EEPD1: variants seen among roughly 807,000 people sequenced by gnomAD.
The protein encoded by EEPD1 is endonuclease/exonuclease/phosphatase family domain containing 1, also known as endonuclease/exonuclease/phosphatase family domain-containing protein 1.
Under a neutral mutation model 46.3 loss-of-function variants are expected in EEPD1, and 17 were observed. The observed-to-expected ratio is 0.37, with a 90% CI of 0.25 to 0.55. The LOEUF is 0.55. EEPD1 is among the 20% of genes least tolerant of loss of function. EEPD1 has a pLI of 0.83. For synonymous variants in EEPD1, 313 were observed against 315.6 expected (o/e 0.99, Z 0.09); for missense variants, 673 against 745.6 (o/e 0.90, Z 1.13).
chr7:36,266,089 C>T (rs1054009002), intron 3 of EEPD1, among the ~76,000 whole-genome samples: 4 of 152,086 alleles, frequency 2.6e-5, no homozygotes, highest in Admixed American at 2.0e-4. Context: ...CCTGTGTTTC[C>T]GCTCTCACTT....
In EEPD1 at chr7:36,299,404, C is replaced by T; in HGVS notation, c.*198C>T. On this transcript the variant is annotated 3_prime_UTR_variant, in exon 8 of 8. Coordinates refer to ENST00000242108, the MANE Select transcript of EEPD1 (RefSeq NM_030636.3). ...GGTGGCGTGCCAGGCGCGTACCCCA[C>T]CAGGTGGGCAAAGCAGAAACCTGCG... The T allele has an allele frequency of 1.5e-6, 1 of 657,830 alleles. No individual in the cohort carries two copies. The highest frequency in any genetic ancestry group is 2.0e-5 in the South Asian group (1 of 49,970). 40.7% of individuals were successfully genotyped at this position (657,830 alleles called of 1,614,324 possible).
At chr7:36,272,428 G>T (rs566001428) in intron 3 of EEPD1, among the ~76,000 whole-genome samples, 2 of 151,718 alleles carry the variant, frequency 1.3e-5, no homozygotes, top group Admixed American at 1.3e-4. Context: ...CTTCACTTCA[G>T]TCTCCACAAA....
intron 2 of EEPD1, among the ~76,000 whole-genome samples, chr7:36,220,685 C>T (rs7781004): frequency 6.6e-6 from 1 of 152,130 alleles, no homozygotes; most frequent in African/African-American, 2.4e-5. Flanking sequence ...ATGAAAATGT[C>T]TCTGATGTCT....
chr7:36,189,048 A>G (rs1303806557), intron 2 of EEPD1, among the ~76,000 whole-genome samples: 1 of 152,180 alleles, frequency 6.6e-6, no homozygotes, highest in African/African-American at 2.4e-5. Context: ...AATTTTGAAT[A>G]GTCTGATGCT....
At chr7:36,219,577 GAA>G in intron 2 of EEPD1, among the ~76,000 whole-genome samples, 1 of 144,802 alleles carries the variant, frequency 6.9e-6, no homozygotes, top group African/African-American at 2.6e-5. Context: ...GAGAGAGAAG[GAA>G]AGAAGAAAAG....
chr7:36,185,024 C>T (rs1785341823), intron 2 of EEPD1, among the ~76,000 whole-genome samples: 1 of 152,170 alleles, frequency 6.6e-6, no homozygotes, highest in African/African-American at 2.4e-5. Flanking sequence ...AGACACTGCT[C>T]CTAGGCTAAA....
chr7:36,237,332 T>C (rs1414395585), intron 2 of EEPD1, among the ~76,000 whole-genome samples: 4 of 152,158 alleles, frequency 2.6e-5, no homozygotes, highest in African/African-American at 9.7e-5. Context: ...TCTGGACACA[T>C]TGTGATGTTG....
intron 2 of EEPD1, among the ~76,000 whole-genome samples, chr7:36,212,277 G>T (rs1462735902): frequency 6.6e-6 from 1 of 152,060 alleles, no homozygotes; most frequent in Admixed American, 6.6e-5. Flanking sequence ...TTGCTGGGGG[G>T]AGTGTAGCTA....
At chr7:36,222,424 G>T (rs1247025049) in intron 2 of EEPD1, among the ~76,000 whole-genome samples, 2 of 152,140 alleles carry the variant, frequency 1.3e-5, no homozygotes, top group African/African-American at 4.8e-5. Flanking sequence ...TTATCTCAGG[G>T]TGGCAGAGGC....
At chr7:36,298,914 A>G (rs956998062) in intron 7 of EEPD1, 93 bp from the exon 8 acceptor site, 20 of 1,441,136 alleles carry the variant, frequency 1.4e-5, no homozygotes, top group Non-Finnish European at 1.8e-5. Flanking sequence ...CGGCCTGCAG[A>G]CATGCGGTGT....
chr7:36,181,867 G>GGAT (rs959799667), intron 2 of EEPD1, among the ~76,000 whole-genome samples: 1 of 152,164 alleles, frequency 6.6e-6, no homozygotes, highest in African/African-American at 2.4e-5. Context: ...AGGAGGAGGA[G>GGAT]AGAGGGCAGC....
intron 4 of EEPD1, among the ~76,000 whole-genome samples, chr7:36,283,994 G>GGCA (rs1328754709): frequency 3.9e-5 from 6 of 152,186 alleles, no homozygotes; most frequent in Non-Finnish European, 2.9e-5. Flanking sequence ...CAGTGGCGGC[G>GGCA]GCAGCAGCGC....
At chr7:36,197,295 G>T (rs1264894659) in intron 2 of EEPD1, among the ~76,000 whole-genome samples, 3 of 144,408 alleles carry the variant, frequency 2.1e-5, no homozygotes, top group African/African-American at 5.4e-5. Flanking sequence ...GAGGTGGGGG[G>T]GTCAGCCCCC....
At chr7:36,237,465 A>G (rs1343803502) in intron 2 of EEPD1, among the ~76,000 whole-genome samples, 1 of 152,184 alleles carries the variant, frequency 6.6e-6, no homozygotes, top group East Asian at 1.9e-4. Context: ...TCCCAAAGTG[A>G]AATTCCATAC....
At chr7:36,269,634 G>A (rs920563816) in intron 3 of EEPD1, among the ~76,000 whole-genome samples, 5 of 152,132 alleles carry the variant, frequency 3.3e-5, no homozygotes, top group African/African-American at 7.2e-5. Flanking sequence ...GGTGGCTCAC[G>A]CCCGGAATCC....
In EEPD1 at chr7:36,191,122, T is replaced by C. The variant is rs566941237; in HGVS notation, c.878+35920T>C. On this transcript the variant is annotated intron_variant, in intron 2 of 7. Transcript: ENST00000242108. ...AAGTGACCACACTGGTATCAGGTCA[T>C]GAAGTGTGCCCCATTTCTGTCAGGG... 2.6e-5 allele frequency among the ~76,000 whole-genome samples: 4 copies of C among 152,354 alleles called. 1 individual carries two copies. The highest frequency in any genetic ancestry group is 2.6e-4 in the Admixed American group (4 of 15,310).
At chr7:36,281,494 T>C (rs1787261802) in intron 4 of EEPD1, among the ~76,000 whole-genome samples, 1 of 152,192 alleles carries the variant, frequency 6.6e-6, no homozygotes, top group Admixed American at 6.5e-5. Flanking sequence ...GGTATTTCTG[T>C]CCTTTGTCCT....
intron 2 of EEPD1, among the ~76,000 whole-genome samples, chr7:36,223,174 A>AAAT (rs1786176836): frequency 6.6e-6 from 1 of 152,054 alleles, no homozygotes; most frequent in African/African-American, 2.4e-5. Context: ...ATAAATAAAT[A>AAAT]AATAAAAGTA....
rs781064146 is a variant in EEPD1, at chr7:36,297,170, T to C, written c.1493T>C (p.Leu498Ser). The C allele has an allele frequency of 6.2e-7, 1 of 1,614,082 alleles. No homozygotes were observed. Among genetic ancestry groups the C allele is most frequent in the South Asian group, 1.1e-5 (1 of 91,054 alleles). ...GACAACATCTGGATCAGTAAAAGCT[T>C]AAAGAAGGTTTTCACAGGTGAGGCA... ...SLDNIWISKS[L>S]KKVFTGHWAV... Residue 498 changes from leucine to serine, a missense_variant, in exon 7 of 8, where the codon TTA becomes TCA. Physicochemically the swap from Leu to Ser is moderately radical, Grantham distance 145. Transcript: ENST00000242108.
Sources: gnomAD v4.1 joint callset for allele counts (sites outside exome capture counted in the v4.1 genomes callset) on GRCh38, gnomAD v4.1.1 for gene constraint, MANE v1.5 for transcripts, NCBI Gene and HGNC (gene_info 2026-07-23, HGNC 2026-07-21) for gene names.